RSRC1: variants seen among roughly 807,000 people sequenced by gnomAD.
The protein encoded by RSRC1 is arginine and serine rich coiled-coil 1.
Under a neutral mutation model 49.1 loss-of-function variants are expected in RSRC1, and 39 were observed. The ratio of observed to expected loss-of-function variants is 0.79; its 90% CI spans 0.61 to 1.04. RSRC1 has a LOEUF of 1.04. Among genes scored for constraint, RSRC1 ranks in the 50% least tolerant of loss-of-function variants. The pLI is 0.00. For missense variants in RSRC1, 388 were observed against 402.4 expected (o/e 0.96, Z 0.31); for synonymous variants, 143 against 130.8 (o/e 1.09, Z -0.63).
At chr3:158,543,933 A>G (rs886120109) in intron 9 of RSRC1, among the ~76,000 whole-genome samples, 12 of 152,218 alleles carry the variant, frequency 7.9e-5, no homozygotes, top group African/African-American at 2.9e-4. Flanking sequence ...TATAGGAAAT[A>G]AACTTCACAA....
At chr3:158,291,936 A>G (rs1310361373) in intron 4 of RSRC1, among the ~76,000 whole-genome samples, 1 of 152,252 alleles carries the variant, frequency 6.6e-6, no homozygotes, top group Non-Finnish European at 1.5e-5. Flanking sequence ...GACGTAGAGT[A>G]TATTTCTTTT....
intron 3 of RSRC1, among the ~76,000 whole-genome samples, chr3:158,155,003 T>G (rs1717776597): frequency 6.6e-6 from 1 of 152,158 alleles, no homozygotes. Context: ...CCACTTCTAA[T>G]TCTGTTTTTT....
chr3:158,182,696 C>T (rs972690127), intron 3 of RSRC1, among the ~76,000 whole-genome samples: 3 of 152,064 alleles, frequency 2.0e-5, no homozygotes, highest in Non-Finnish European at 2.9e-5. Context: ...TCTGTGTTTA[C>T]GGAAAGAAGG....
chr3:158,332,819 T>C (rs901484651), intron 5 of RSRC1, among the ~76,000 whole-genome samples: 7 of 152,062 alleles, frequency 4.6e-5, no homozygotes, highest in African/African-American at 1.2e-4. Context: ...TTTTACATAG[T>C]TTTGTAGTTT....
intron 4 of RSRC1, among the ~76,000 whole-genome samples, chr3:158,295,581 G>A (rs1727189426): frequency 6.6e-6 from 1 of 152,044 alleles, no homozygotes; most frequent in Non-Finnish European, 1.5e-5. Context: ...GAGATAGAAA[G>A]AAATAGTTAG....
At chr3:158,207,645 A>ATAGG (rs1292682196) in intron 4 of RSRC1, among the ~76,000 whole-genome samples, 2 of 143,650 alleles carry the variant, frequency 1.4e-5, no homozygotes, top group South Asian at 4.4e-4. Context: ...ATTTAGATAG[A>ATAGG]TAGATAGATA....
At chr3:158,333,683 G>C (rs2108200303) in intron 5 of RSRC1, among the ~76,000 whole-genome samples, 1 of 152,254 alleles carries the variant, frequency 6.6e-6, no homozygotes, top group East Asian at 1.9e-4. Flanking sequence ...CAGAGGCAAA[G>C]TAAAGTAACT....
At chr3:158,378,450 G>A (rs758755121) in intron 6 of RSRC1, among the ~76,000 whole-genome samples, 4 of 152,178 alleles carry the variant, frequency 2.6e-5, no homozygotes, top group African/African-American at 4.8e-5. Context: ...ATATTTGGTT[G>A]TGAATACTCT....
intron 7 of RSRC1, among the ~76,000 whole-genome samples, chr3:158,520,839 A>G (rs1441233192): frequency 1.3e-5 from 2 of 152,180 alleles, no homozygotes; most frequent in African/African-American, 2.4e-5. Context: ...GTATGTGGGT[A>G]TATATAAAAT....
chr3:158,291,091 C>G (rs999709681), intron 4 of RSRC1, among the ~76,000 whole-genome samples: 1 of 152,180 alleles, frequency 6.6e-6, no homozygotes, highest in African/African-American at 2.4e-5. Context: ...GTCATAGCTA[C>G]TTGGGAGCCT....
chr3:158,193,547 A>G (rs1007756987), intron 3 of RSRC1, among the ~76,000 whole-genome samples: 1 of 152,162 alleles, frequency 6.6e-6, no homozygotes, highest in Non-Finnish European at 1.5e-5. Context: ...GAACCAAATA[A>G]TGAAAATAAC....
Position 158,391,000 on chromosome 3 carries a change from A to G in RSRC1, c.583+36092A>G, listed in dbSNP as rs368199622. Among the ~76,000 whole-genome samples the G allele has an allele frequency of 1.6e-4, 25 of 152,308 alleles. 1 individual carries two copies. The South Asian group carries it at 4.6e-3, about 28-fold the overall frequency. On this transcript the variant is annotated intron_variant, in intron 6 of 9. Transcript: ENST00000611884. ...GTAATGGAAGACATTTTATCTTTGAATTGCAAATAACAGTTGCGTATCTGC... is the reference window on the plus strand; with the variant it reads ...GTAATGGAAGACATTTTATCTTTGAGTTGCAAATAACAGTTGCGTATCTGC...
chr3:158,455,970 A>G (rs1737286195), intron 6 of RSRC1, among the ~76,000 whole-genome samples: 1 of 112,694 alleles, frequency 8.9e-6, no homozygotes, highest in African/African-American at 3.5e-5. Context: ...ACAGAGCAAG[A>G]CTCCATCTCA....
chr3:158,454,381 G>A (rs1737205833), intron 6 of RSRC1, among the ~76,000 whole-genome samples: 1 of 151,882 alleles, frequency 6.6e-6, no homozygotes, highest in Non-Finnish European at 1.5e-5. Flanking sequence ...CAAACACTAA[G>A]GTACATAGTA....
chr3:158,425,032 T>C (rs1283176880), intron 6 of RSRC1, among the ~76,000 whole-genome samples: 9 of 151,528 alleles, frequency 5.9e-5, no homozygotes, highest in African/African-American at 2.2e-4. Flanking sequence ...AAAAACCAGC[T>C]CCTGGATTCG....
chr3:158,129,868 G>A (rs1715898253), intron 3 of RSRC1, among the ~76,000 whole-genome samples: 1 of 152,122 alleles, frequency 6.6e-6, no homozygotes, highest in African/African-American at 2.4e-5. Context: ...AGTAGAATAG[G>A]AGTATTGACA....
intron 6 of RSRC1, among the ~76,000 whole-genome samples, chr3:158,424,540 C>CT (rs1454261208): frequency 1.3e-5 from 2 of 150,128 alleles, no homozygotes; most frequent in African/African-American, 2.5e-5. Flanking sequence ...CTAAAATTCT[C>CT]TTTTTTGGTT....
chr3:158,343,383 C>A (rs943961879), intron 5 of RSRC1, among the ~76,000 whole-genome samples: 2 of 151,212 alleles, frequency 1.3e-5, no homozygotes, highest in African/African-American at 4.9e-5. Flanking sequence ...CACTGACACA[C>A]AAAAAAAATG....
chr3:158,355,096 G>A, intron 6 of RSRC1, 188 bp downstream of exon 6: 1 of 420,516 alleles, frequency 2.4e-6, no homozygotes, highest in Admixed American at 4.2e-5. Context: ...AATGCTAAGT[G>A]TATTGCTAAC....
Sources: allele counts gnomAD v4.1 joint callset (sites outside exome capture counted in the v4.1 genomes callset), GRCh38; gene constraint gnomAD v4.1.1; transcripts MANE v1.5; gene names NCBI Gene and HGNC (gene_info 2026-07-23, HGNC 2026-07-21).